The following KANK1 variants were observed in gnomAD, a reference collection of about 807,000 sequenced individuals.
KANK1 encodes the protein KN motif and ankyrin repeat domain-containing protein 1.
In KANK1, 109 loss-of-function variants were observed where a neutral mutation model predicts 106.2. That is an observed-to-expected ratio of 1.03 (90% confidence interval 0.88 to 1.20). The LOEUF is 1.20. Among genes scored for constraint, KANK1 ranks in the 50% most tolerant of loss-of-function variants. KANK1 has a pLI of 0.00. For missense variants in KANK1, 2,399 were observed against 1,710.7 expected, an observed-to-expected ratio of 1.40 and a Z score of -7.10; for synonymous variants, 873 against 652.2, an observed-to-expected ratio of 1.34 and a Z score of -5.16.
In KANK1 at chr9:517,204, A is replaced by C. The variant is rs540025162; in HGVS notation, c.-84+12450A>C. Among the ~76,000 whole-genome samples the C allele has an allele frequency of 5.3e-5, 8 of 151,862 alleles. No homozygotes were observed. In the South Asian group the frequency reaches 1.7e-3, roughly 32 times the overall value. ...AGCTACTGCAACTTCCGACGGTTCAAGCAGTTCTCCTGCCTCAGCCTCCCA... is the reference window on the plus strand; with the variant it reads ...AGCTACTGCAACTTCCGACGGTTCACGCAGTTCTCCTGCCTCAGCCTCCCA... On this transcript the variant is annotated intron_variant, in intron 1 of 11. Transcript: ENST00000382297.
At chr9:594,327 C>T (rs1825709966) in intron 1 of KANK1, among the ~76,000 whole-genome samples, 1 of 151,810 alleles carries the variant, frequency 6.6e-6, no homozygotes, top group Non-Finnish European at 1.5e-5. Flanking sequence ...GGGAAAAGGC[C>T]AACATGATTG....
At chr9:659,775 C>T (rs956005941) in intron 1 of KANK1, among the ~76,000 whole-genome samples, 2 of 151,996 alleles carry the variant, frequency 1.3e-5, no homozygotes, top group African/African-American at 2.4e-5. Flanking sequence ...GATCTAATCA[C>T]TTCCCACCAG....
intron 1 of KANK1, among the ~76,000 whole-genome samples, chr9:660,552 C>G (rs1843063428): frequency 6.6e-6 from 1 of 152,142 alleles, no homozygotes; most frequent in African/African-American, 2.4e-5. Context: ...CAGTAGGCGC[C>G]TGGCAGTGTC....
At chr9:697,758 A>G (rs577753684) in intron 2 of KANK1, among the ~76,000 whole-genome samples, 320 of 152,282 alleles carry the variant, frequency 2.1e-3, no homozygotes, top group African/African-American at 7.0e-3. Flanking sequence ...TATTATTTTC[A>G]TGCTCAAATT....
intron 1 of KANK1, among the ~76,000 whole-genome samples, chr9:578,546 T>G (rs1029827849): frequency 6.6e-6 from 1 of 152,092 alleles, no homozygotes; most frequent in Non-Finnish European, 1.5e-5. Context: ...ATTCTAATTG[T>G]TTTCCCCTGG....
intron 3 of KANK1, among the ~76,000 whole-genome samples, chr9:475,221 G>A (rs756605695): frequency 6.6e-6 from 1 of 151,958 alleles, no homozygotes; most frequent in Non-Finnish European, 1.5e-5. Flanking sequence ...GGAATGCTAC[G>A]CTGGTAAGGG....
chr9:548,102 C>G (rs1320989133), intron 1 of KANK1, among the ~76,000 whole-genome samples: 3 of 152,042 alleles, frequency 2.0e-5, no homozygotes, highest in Non-Finnish European at 2.9e-5. Flanking sequence ...CATGGTTTGG[C>G]CAAATCCTTT....
intron 3 of KANK1, among the ~76,000 whole-genome samples, chr9:479,387 G>A (rs551992654): frequency 2.8e-4 from 42 of 152,296 alleles, no homozygotes; most frequent in Non-Finnish European, 4.9e-4. Flanking sequence ...CAGGGGACGG[G>A]GGCTTGAAGT....
At chr9:739,025 C>T (rs1034948708) in intron 8 of KANK1, among the ~76,000 whole-genome samples, 3 of 152,166 alleles carry the variant, frequency 2.0e-5, no homozygotes, top group African/African-American at 4.8e-5. Flanking sequence ...CCAAAATATA[C>T]TGTTATTGGG....
chr9:690,939 C>T lies in KANK1; in HGVS notation c.37+13930C>T, dbSNP rs148040333. 1.0e-3 allele frequency among the ~76,000 whole-genome samples: 152 copies of T among 152,284 alleles called. 1 individual carries two copies. The highest frequency in any genetic ancestry group is 7.5e-3 in the South Asian group (36 of 4,818). ...TACTCTCCGCCTGTCAGAGGCCAAG[C>T]CTTGAGTATATCTTCATCTTCCCAC... is the stretch of plus-strand genomic sequence containing the variant. On this transcript the variant is annotated intron_variant, in intron 2 of 11. Coordinates refer to ENST00000382297, the MANE Select transcript of KANK1 (RefSeq NM_015158.5).
intron 1 of KANK1, among the ~76,000 whole-genome samples, chr9:629,214 G>T (rs922601743): frequency 3.3e-5 from 5 of 152,126 alleles, no homozygotes; most frequent in African/African-American, 4.8e-5. Flanking sequence ...CCCAGCCGCT[G>T]ATGGGGTTGC....
In KANK1 at chr9:616,789, T is replaced by C. The variant is rs114553013; in HGVS notation, c.-83-60101T>C. ...TGTGATGGAGCAGCCTCTGCTTATG[T>C]CGCTGCTGTTCTTTATAGCAGAGGA... On this transcript the variant is annotated intron_variant, in intron 1 of 11. Coordinates refer to ENST00000382297, the MANE Select transcript of KANK1 (RefSeq NM_015158.5). Among the ~76,000 whole-genome samples, 284 of 152,324 alleles carry C rather than the reference T, an allele frequency of 1.9e-3. 3 individuals carry two copies. Among genetic ancestry groups the C allele is most frequent in the African/African-American group, 6.4e-3 (268 of 41,566 alleles).
At chr9:512,657 A>T (rs1372501924) in intron 1 of KANK1, among the ~76,000 whole-genome samples, 1 of 152,056 alleles carries the variant, frequency 6.6e-6, no homozygotes, top group African/African-American at 2.4e-5. Context: ...CCTTTTGCCA[A>T]ACTATTGGTT....
At chr9:626,646 A>C (rs1031206982) in intron 1 of KANK1, among the ~76,000 whole-genome samples, 1 of 152,230 alleles carries the variant, frequency 6.6e-6, no homozygotes, top group East Asian at 1.9e-4. Flanking sequence ...TTTGGCCTCA[A>C]ATTTCTGAGG....
chr9:731,000 G>T, intron 4 of KANK1, 158 bp from the exon 5 acceptor site: 2 of 427,736 alleles, frequency 4.7e-6, no homozygotes, highest in Non-Finnish European at 8.5e-6. Flanking sequence ...TATTTTCTTT[G>T]CATGCACACA....
chr9:574,941 T>C (rs1397766628), intron 1 of KANK1, among the ~76,000 whole-genome samples: 1 of 152,170 alleles, frequency 6.6e-6, no homozygotes, highest in Non-Finnish European at 1.5e-5. Context: ...GCCTTGTCTT[T>C]ATGCCCACAG....
chr9:736,234 C>T (rs1179615875), intron 7 of KANK1, among the ~76,000 whole-genome samples: 1 of 152,104 alleles, frequency 6.6e-6, no homozygotes, highest in Non-Finnish European at 1.5e-5. Flanking sequence ...CTGGGATTTA[C>T]AGGCATGACC....
intron 1 of KANK1, among the ~76,000 whole-genome samples, chr9:667,905 T>C (rs1397455256): frequency 6.6e-6 from 1 of 152,000 alleles, no homozygotes; most frequent in Non-Finnish European, 1.5e-5. Flanking sequence ...CTAATTTTTG[T>C]ATTTTTAATG....
chr9:490,380 C>T (rs2058358455), intron 3 of KANK1, among the ~76,000 whole-genome samples: 1 of 152,146 alleles, frequency 6.6e-6, no homozygotes, highest in Non-Finnish European at 1.5e-5. Flanking sequence ...CACAGTGGTG[C>T]ACACCTGTTG....
Sources: allele counts gnomAD v4.1 joint callset (sites outside exome capture counted in the v4.1 genomes callset), GRCh38; gene constraint gnomAD v4.1.1; transcripts MANE v1.5; gene names NCBI Gene and HGNC (gene_info 2026-07-23, HGNC 2026-07-21).